The following GAB3 variants were observed in gnomAD, a reference collection of about 807,000 sequenced individuals.
GAB3 encodes GRB2 associated binding protein 3, also known as GRB2-associated-binding protein 3.
A neutral mutation model predicts 40.4 loss-of-function variants in GAB3; 12 were observed. The observed-to-expected ratio is 0.30, with a 90% CI of 0.19 to 0.48. The LOEUF is 0.48. Ranked by LOEUF, GAB3 falls within the 20% of genes least tolerant of loss-of-function variation. The probability of loss-of-function intolerance (pLI) is 0.99; values close to 1 mark genes in which losing one functional copy is unlikely to be tolerated. For synonymous variants in GAB3, 154 were observed against 176.7 expected (o/e 0.87, Z 1.02); for missense variants, 381 against 461.9 (o/e 0.82, Z 1.61).
chrX:154,700,440 A>G (rs782024594), intron 4 of GAB3, among the ~76,000 whole-genome samples: 2 of 111,120 alleles, frequency 1.8e-5, no homozygotes, highest in South Asian at 7.6e-4. Flanking sequence ...TAAGGGCCCA[A>G]TTGAGGTCTG....
chrX:154,706,920 T>C (rs2070818629), intron 4 of GAB3, among the ~76,000 whole-genome samples: 1 of 53,366 alleles, frequency 1.9e-5, no homozygotes, highest in Non-Finnish European at 3.8e-5. Context: ...ACCTTGTTTC[T>C]GAAAAAAAAA....
chrX:154,710,995 C>G (rs1391613988), intron 4 of GAB3, among the ~76,000 whole-genome samples: 1 of 112,144 alleles, frequency 8.9e-6, no homozygotes, highest in African/African-American at 3.3e-5. Context: ...ATATCCAGAT[C>G]ATTTGTGTAA....
At chrX:154,750,415 G>GGAGTTACACGATGAGAAAC (rs1320925921) in intron 1 of GAB3, among the ~76,000 whole-genome samples, 17 of 112,445 alleles carry the variant, frequency 1.5e-4, no homozygotes, top group African/African-American at 5.5e-4. Flanking sequence ...GAAGCTGAAA[G>GGAGTTACACGATGAGAAAC]GAGTTACACG....
chrX:154,728,362 G>A (rs782335383), intron 1 of GAB3, among the ~76,000 whole-genome samples: 39 of 112,523 alleles, frequency 3.5e-4, no homozygotes, highest in South Asian at 7.3e-4. Flanking sequence ...ACCCATGGAC[G>A]TGCTTCATAC....
At position 154,712,418 on chromosome X, in the gene GAB3, A is replaced by G. The variant is rs782263257; in HGVS notation, c.880T>C (p.Leu294=). The G allele has an allele frequency of 1.7e-6, 2 of 1,211,610 alleles. No homozygotes were observed. Among genetic ancestry groups the G allele is most frequent in the East Asian group, 3.0e-5 (1 of 33,852 alleles). The change falls in exon 4 of 10, where the codon TTA becomes CTA. Residue 294 remains leucine (L), a synonymous_variant. Coordinates refer to ENST00000424127, the MANE Select transcript of GAB3 (RefSeq NM_001081573.3). ...TIQVDKNQGS[L]PCGAKELDIM... is the part of the protein sequence containing the mutation. The stretch of plus-strand genomic sequence containing the variant: ...TCTAGTTCTTTTGCTCCACAGGGTA[A>G]GGAACCTTGATTTTTATCTACCTGA...
At chrX:154,679,150 T>C (rs1017673499) in intron 9 of GAB3, 7 of 338,052 alleles carry the variant, frequency 2.1e-5, no homozygotes, top group Non-Finnish European at 4.1e-5. Context: ...GAGTGAGATC[T>C]TGACTCAAGA....
chrX:154,731,335 C>G (rs1557259955), intron 1 of GAB3, among the ~76,000 whole-genome samples: 2 of 111,674 alleles, frequency 1.8e-5, no homozygotes, highest in African/African-American at 3.3e-5. Context: ...TGGAGGTAAT[C>G]AAGTCTGGAT....
intron 9 of GAB3, 29 bp downstream of exon 9, chrX:154,680,103 G>C: frequency 1.0e-6 from 1 of 1,000,036 alleles, no homozygotes; most frequent in South Asian, 2.0e-5. Context: ...GAATCACCTG[G>C]GAATTCTTAG....
At chrX:154,685,602 G>GA (rs1323303083) in intron 8 of GAB3, among the ~76,000 whole-genome samples, 10 of 108,713 alleles carry the variant, frequency 9.2e-5, no homozygotes, top group East Asian at 2.8e-4. Context: ...AAAAGTCAAA[G>GA]AAAAAAAACA....
chrX:154,713,742 CATATATATATATATATAT>C (rs59885867), intron 2 of GAB3, among the ~76,000 whole-genome samples: 598 of 19,662 alleles, frequency 0.03, 33 homozygotes, highest in African/African-American at 0.068. Context: ...AACTAACAAA[CATATATATATATATATAT>C]ATATATATAT....
At chrX:154,728,899 GAACAGTTCA>G (rs1398407004) in intron 1 of GAB3, among the ~76,000 whole-genome samples, 1 of 112,298 alleles carries the variant, frequency 8.9e-6, no homozygotes, top group Non-Finnish European at 1.9e-5. Context: ...CTTTGTGATG[GAACAGTTCA>G]GTATTGGTTT....
chrX:154,750,755 C>T (rs1350565366), intron 1 of GAB3, among the ~76,000 whole-genome samples, 199 bp downstream of exon 1: 1 of 112,260 alleles, frequency 8.9e-6, no homozygotes, highest in African/African-American at 3.2e-5. Context: ...GCCACCTGGT[C>T]TCCGGCCCGC....
In GAB3 at chrX:154,699,300, T is replaced by C; in HGVS notation, c.1339A>G (p.Arg447Gly). Reference protein sequence around the residue: ...PPVNRDLKPQRKSRPPPLDLR... With the variant: ...PPVNRDLKPQGKSRPPPLDLR... ...GGCCTGGTCAAGTGCTTACATTTCC[T>C]CTGAGGCTTGAGATCTCTATTCACT... is the stretch of plus-strand genomic sequence containing the variant. Residue 447 changes from arginine (R) to glycine (G), a missense_variant, in exon 6 of 10, where the codon AGG becomes GGG. Transcript: ENST00000424127. The C allele has an allele frequency of 2.5e-6, 3 of 1,207,015 alleles. No homozygotes were observed. Among genetic ancestry groups the C allele is most frequent in the Admixed American group, 4.3e-5 (2 of 46,006 alleles).
rs57067641 is a variant in GAB3, at chrX:154,736,943, G to C, written c.72+14011C>G. On this transcript the variant is annotated intron_variant, in intron 1 of 9. Transcript: ENST00000424127. ...CTTGGTTGTATTTCTTTCTTTATCA[G>C]GCCTGGGTCTGATAGCCTGGGTCAC... Among the ~76,000 whole-genome samples, 774 of 111,994 alleles carry C rather than the reference G, an allele frequency of 6.9e-3. 7 individuals are homozygous for C. Among genetic ancestry groups the C allele is most frequent in the African/African-American group, 0.024 (739 of 30,743 alleles).
intron 1 of GAB3, among the ~76,000 whole-genome samples, chrX:154,741,632 T>C (rs781895005): frequency 1.0e-5 from 1 of 98,114 alleles, no homozygotes; most frequent in East Asian, 3.1e-4. Flanking sequence ...GCCGAGGTCA[T>C]GTCACTGCAC....
At chrX:154,690,030 C>T (rs368098867) in intron 8 of GAB3, among the ~76,000 whole-genome samples, 1 of 111,056 alleles carries the variant, frequency 9.0e-6, no homozygotes, top group Non-Finnish European at 1.9e-5. Context: ...TACAAAGCTA[C>T]AGTAACCAAA....
intron 4 of GAB3, among the ~76,000 whole-genome samples, chrX:154,709,568 C>T (rs1204393042): frequency 6.4e-5 from 7 of 109,347 alleles, no homozygotes; most frequent in African/African-American, 2.3e-4. Flanking sequence ...TCTGCCCGCC[C>T]CCGCCTCCCA....
chrX:154,747,909 A>G (rs1193933705), intron 1 of GAB3, among the ~76,000 whole-genome samples: 1 of 112,531 alleles, frequency 8.9e-6, no homozygotes, highest in African/African-American at 3.2e-5. Flanking sequence ...ATATTTGCAA[A>G]TTAAATATGC....
intron 8 of GAB3, among the ~76,000 whole-genome samples, chrX:154,682,570 T>C (rs2148410545): frequency 8.9e-6 from 1 of 112,083 alleles, no homozygotes; most frequent in African/African-American, 3.2e-5. Flanking sequence ...TAAGATAATA[T>C]ATCATTTTTC....
Sources: allele counts gnomAD v4.1 joint callset (sites outside exome capture counted in the v4.1 genomes callset), GRCh38; gene constraint gnomAD v4.1.1; transcripts MANE v1.5; gene names NCBI Gene and HGNC (gene_info 2026-07-23, HGNC 2026-07-21).